Variants in HDAC9 observed in about 807,000 individuals in gnomAD.
HDAC9 encodes the protein histone deacetylase 9.
Under a neutral mutation model 139.4 loss-of-function variants are expected in HDAC9, and 41 were observed. That is an observed-to-expected ratio of 0.29 (90% CI 0.23 to 0.38). The LOEUF is 0.38. Ranked by LOEUF, HDAC9 falls within the 10% of genes least tolerant of loss-of-function variation. The pLI is 1.00. For missense variants in HDAC9, 1,147 were observed against 1,297.0 expected, an observed-to-expected ratio of 0.88 and a Z score of 1.78; for synonymous variants, 517 against 476.2, an observed-to-expected ratio of 1.09 and a Z score of -1.12.
intron 22 of HDAC9, among the ~76,000 whole-genome samples, chr7:18,923,272 AG>A (rs1563058693): frequency 1.3e-5 from 2 of 152,042 alleles, no homozygotes; most frequent in African/African-American, 4.8e-5. Flanking sequence ...TCACACTCTA[AG>A]GTTAGAGCAA....
At chr7:18,514,759 G>A (rs1802634407) in intron 2 of HDAC9, among the ~76,000 whole-genome samples, 1 of 152,096 alleles carries the variant, frequency 6.6e-6, no homozygotes, top group Non-Finnish European at 1.5e-5. Context: ...GGGCAACATA[G>A]TGAGACCCTG....
chr7:18,803,271 G>A (rs1219892777), intron 17 of HDAC9, among the ~76,000 whole-genome samples: 1 of 151,892 alleles, frequency 6.6e-6, no homozygotes, highest in African/African-American at 2.4e-5. Context: ...TAAAGCAATA[G>A]TCATGTCCTA....
chr7:18,635,327 C>G (rs895492111), intron 8 of HDAC9, among the ~76,000 whole-genome samples: 5 of 151,864 alleles, frequency 3.3e-5, no homozygotes, highest in Admixed American at 3.3e-4. Context: ...CTTCACTGAG[C>G]AAACATTTTT....
intron 3 of HDAC9, among the ~76,000 whole-genome samples, chr7:18,586,156 GT>G (rs1485252976): frequency 1.3e-5 from 2 of 151,904 alleles, no homozygotes; most frequent in African/African-American, 2.4e-5. Flanking sequence ...GACTAAAGTT[GT>G]TTAAATTATT....
At chr7:18,634,838 A>G (rs1235502431) in intron 8 of HDAC9, 96 bp downstream of exon 8, 4 of 719,376 alleles carry the variant, frequency 5.6e-6, no homozygotes, top group Non-Finnish European at 9.5e-6. Flanking sequence ...CAATATCCAA[A>G]TGATATTTAT....
chr7:18,483,062 T>C (rs1795703842), intron 1 of HDAC9, among the ~76,000 whole-genome samples: 1 of 152,232 alleles, frequency 6.6e-6, no homozygotes. Flanking sequence ...ATGCATTATA[T>C]AGTATATGCA....
At chr7:18,170,674 G>A (rs1788359382) in intron 2 of HDAC9, among the ~76,000 whole-genome samples, 1 of 152,152 alleles carries the variant, frequency 6.6e-6, no homozygotes, top group African/African-American at 2.4e-5. Flanking sequence ...TGGCTAGCCA[G>A]TTTTCCCAGC....
intron 1 of HDAC9, among the ~76,000 whole-genome samples, chr7:18,301,588 C>CT (rs140073324): frequency 0.015 from 2,246 of 152,164 alleles, 63 homozygotes; most frequent in African/African-American, 0.051. Flanking sequence ...GAGATGAAAA[C>CT]TTTGACTCCT....
At position 18,816,038 on chromosome 7, in the gene HDAC9, T is replaced by C. The variant is rs77409743; in HGVS notation, c.2323-13123T>C. 4.8e-3 allele frequency among the ~76,000 whole-genome samples: 731 copies of C among 152,352 alleles called. 8 individuals are homozygous for C. The highest frequency in any genetic ancestry group is 0.017 in the African/African-American group (706 of 41,580). On this transcript the variant is annotated intron_variant, in intron 17 of 25. Coordinates refer to ENST00000686413, the MANE Select transcript of HDAC9 (RefSeq NM_178425.4). ...TTAGCATATTCGGAAATATTATGCATATGGTAAACCATAGCAATACAATAC... is the reference window on the plus strand; with the variant it reads ...TTAGCATATTCGGAAATATTATGCACATGGTAAACCATAGCAATACAATAC...
intron 12 of HDAC9, among the ~76,000 whole-genome samples, chr7:18,718,531 C>G (rs1377581918): frequency 6.6e-6 from 1 of 152,158 alleles, no homozygotes; most frequent in Non-Finnish European, 1.5e-5. Flanking sequence ...CCGTGCCTGG[C>G]AGGTGTGTGG....
chr7:18,124,533 T>C (rs950413559), intron 1 of HDAC9, among the ~76,000 whole-genome samples: 15 of 152,160 alleles, frequency 9.9e-5, no homozygotes, highest in Admixed American at 7.9e-4. Context: ...CCCAGATATC[T>C]TATGTTTTTA....
chr7:18,925,224 A>T (rs1211760109), intron 22 of HDAC9, among the ~76,000 whole-genome samples: 1 of 152,180 alleles, frequency 6.6e-6, no homozygotes, highest in Non-Finnish European at 1.5e-5. Context: ...GCCACAGAAG[A>T]GTGGCTTGGA....
chr7:18,714,552 C>A (rs532418092), intron 12 of HDAC9, among the ~76,000 whole-genome samples: 1 of 152,308 alleles, frequency 6.6e-6, no homozygotes, highest in Non-Finnish European at 1.5e-5. Context: ...TGACCTGCAC[C>A]TGCTCTGTGG....
intron 1 of HDAC9, among the ~76,000 whole-genome samples, chr7:18,138,044 G>A (rs1203318505): frequency 6.6e-6 from 1 of 152,204 alleles, no homozygotes; most frequent in Non-Finnish European, 1.5e-5. Flanking sequence ...GAGAGTGTAT[G>A]TGTTGAGGAA....
intron 2 of HDAC9, among the ~76,000 whole-genome samples, chr7:18,503,112 G>C (rs1798824900): frequency 6.6e-6 from 1 of 152,028 alleles, no homozygotes; most frequent in Non-Finnish European, 1.5e-5. Context: ...TGAAATAAAA[G>C]CTCATGCAAA....
At chr7:18,557,339 GTTTTT>G (rs34667664) in intron 2 of HDAC9, among the ~76,000 whole-genome samples, 1 of 137,432 alleles carries the variant, frequency 7.3e-6, no homozygotes, top group African/African-American at 2.7e-5. Flanking sequence ...GCAATGATGA[GTTTTT>G]TTTTTTTTTT....
intron 1 of HDAC9, among the ~76,000 whole-genome samples, chr7:18,309,868 A>G (rs1799185340): frequency 6.6e-6 from 1 of 152,220 alleles, no homozygotes; most frequent in Non-Finnish European, 1.5e-5. Context: ...AAATATTTAA[A>G]TATTTCACAT....
At chr7:18,270,203 G>A (rs554945557) in intron 2 of HDAC9, among the ~76,000 whole-genome samples, 3 of 151,964 alleles carry the variant, frequency 2.0e-5, no homozygotes, top group African/African-American at 7.2e-5. Flanking sequence ...CCTAGCAAGT[G>A]GTATTGGTTC....
chr7:18,960,673 G>A (rs1783469113), intron 24 of HDAC9, among the ~76,000 whole-genome samples: 1 of 152,066 alleles, frequency 6.6e-6, no homozygotes, highest in African/African-American at 2.4e-5. Flanking sequence ...TGAATTGAAG[G>A]AAAAGGCTAT....
Sources: gnomAD v4.1 joint callset for allele counts (sites outside exome capture counted in the v4.1 genomes callset) on GRCh38, gnomAD v4.1.1 for gene constraint, MANE v1.5 for transcripts, NCBI Gene and HGNC (gene_info 2026-07-23, HGNC 2026-07-21) for gene names.